Variants in WASL observed in about 807,000 individuals in gnomAD.
WASL encodes actin nucleation-promoting factor WASL.
WASL carries 20 observed loss-of-function variants against 55.5 expected under a neutral mutation model. The observed-to-expected ratio is 0.36, with a 90% CI of 0.25 to 0.52. The LOEUF (loss-of-function observed/expected upper bound fraction) is 0.52. WASL is among the 20% of genes least tolerant of loss of function. WASL has a pLI of 0.92. For synonymous variants in WASL, 249 were observed against 217.6 expected (o/e 1.14, Z -1.27); for missense variants, 504 against 622.5 (o/e 0.81, Z 2.03).
intron 1 of WASL, 44 bp downstream of exon 1, chr7:123,748,574 G>T (rs1680276313): frequency 6.3e-7 from 1 of 1,598,186 alleles, no homozygotes; most frequent in African/African-American, 1.4e-5. Context: ...GCCCGGGCCC[G>T]TGAGGTAATG....
At chr7:123,737,235 C>G (rs1262081535) in intron 1 of WASL, among the ~76,000 whole-genome samples, 1 of 152,150 alleles carries the variant, frequency 6.6e-6, no homozygotes, top group Non-Finnish European at 1.5e-5. Flanking sequence ...TCCTGGGCCA[C>G]ATGCAGCCCA....
At chr7:123,745,785 T>A (rs1804421039) in intron 1 of WASL, among the ~76,000 whole-genome samples, 1 of 152,014 alleles carries the variant, frequency 6.6e-6, no homozygotes, top group South Asian at 2.1e-4. Context: ...AAGCCCTCCT[T>A]GCTCCCTAAC....
rs755796843 is a variant in WASL at position 123,689,022 on chromosome 7, C to G, written c.1456+20G>C. ...ACTCTCTCTGTCTCTCTCTCTCTCTCTCTCTCTCTCTCTCTCTACCTGAAG... is the reference window on the plus strand; with the variant it reads ...ACTCTCTCTGTCTCTCTCTCTCTCTGTCTCTCTCTCTCTCTCTACCTGAAG... On this transcript the variant is annotated intron_variant, in intron 10 of 10. Coordinates refer to ENST00000223023, the MANE Select transcript of WASL (RefSeq NM_003941.4). The G allele has an allele frequency of 2.8e-5, 44 of 1,578,908 alleles. No homozygotes were observed. Among genetic ancestry groups the G allele is most frequent in the Non-Finnish European group, 3.6e-5 (41 of 1,153,854 alleles).
intron 1 of WASL, among the ~76,000 whole-genome samples, chr7:123,741,653 T>C (rs1804344077): frequency 6.6e-6 from 1 of 152,178 alleles, no homozygotes; most frequent in Non-Finnish European, 1.5e-5. Flanking sequence ...TCCATTAATA[T>C]TATTTATTTA....
At chr7:123,743,197 G>A (rs1200766390) in intron 1 of WASL, among the ~76,000 whole-genome samples, 2 of 151,922 alleles carry the variant, frequency 1.3e-5, no homozygotes, top group Admixed American at 6.6e-5. Flanking sequence ...ATTAGCCAGG[G>A]GTAGTGGCAC....
At chr7:123,738,007 A>G (rs1804267313) in intron 1 of WASL, among the ~76,000 whole-genome samples, 2 of 152,210 alleles carry the variant, frequency 1.3e-5, no homozygotes, top group South Asian at 4.1e-4. Flanking sequence ...ATCCAATAGA[A>G]AATTGGTCTA....
At chr7:123,740,259 GC>G (rs199834659) in intron 1 of WASL, among the ~76,000 whole-genome samples, 1,748 of 151,618 alleles carry the variant, frequency 0.012, 106 homozygotes, top group Admixed American at 0.099. Flanking sequence ...TTCTTGAGGG[GC>G]TTTTCTGTAT....
intron 1 of WASL, among the ~76,000 whole-genome samples, chr7:123,725,341 CTT>C (rs1804023698): frequency 6.6e-6 from 1 of 152,050 alleles, no homozygotes; most frequent in African/African-American, 2.4e-5. Flanking sequence ...ACGGAACAGA[CTT>C]TTAAACTCAA....
Position 123,694,794 on chromosome 7 carries a change from T to C in WASL, c.747A>G (p.Arg249=). The change falls in exon 8 of 11, where the codon AGA becomes AGG. Residue 249 remains arginine (R), a synonymous_variant. Coordinates refer to ENST00000223023, the MANE Select transcript of WASL (RefSeq NM_003941.4). ...CGISEAQLKD[R]ETSKVIYDFI... is the part of the protein sequence containing the mutation. ...AGTCATATATAACTTTTGATGTTTC[T>C]CTGTCTTTAAGTTGTGCCTCTGAGA... 2 of 1,613,396 alleles carry C rather than the reference T, an allele frequency of 1.2e-6. No individual in the cohort carries two copies. The highest frequency in any genetic ancestry group is 1.7e-6 in the Non-Finnish European group (2 of 1,179,662).
In WASL at chr7:123,748,955, C is replaced by A. The variant is rs929834241; in HGVS notation, c.-221G>T. 3 of 567,542 alleles carry A rather than the reference C, an allele frequency of 5.3e-6. No individual in the cohort carries two copies. The highest frequency in any genetic ancestry group is 3.9e-5 in the African/African-American group (2 of 51,024). 35.2% of individuals were successfully genotyped at this position (567,542 alleles called of 1,614,324 possible). A position where few individuals can be genotyped will look rare whatever the true frequency, so the allele number is the denominator to read the frequency against. The stretch of plus-strand genomic sequence containing the variant: ...GAAAGGGAAGCTCCCGGCACCCGCC[C>A]GGCCAGGCTAGGGCCGGATGGTCGT... On this transcript the variant is annotated 5_prime_UTR_variant, in exon 1 of 11. Coordinates refer to ENST00000223023, the MANE Select transcript of WASL (RefSeq NM_003941.4).
chr7:123,743,154 T>G (rs1041677082), intron 1 of WASL, among the ~76,000 whole-genome samples: 1 of 152,016 alleles, frequency 6.6e-6, no homozygotes, highest in Non-Finnish European at 1.5e-5. Context: ...CTGGCCAGCA[T>G]GGTGAAACCC....
Position 123,748,996 on chromosome 7 carries a change from G to C in WASL, c.-262C>G. The C allele has an allele frequency of 2.0e-6, 1 of 498,066 alleles. No individual in the cohort carries two copies. Among genetic ancestry groups the C allele is most frequent in the South Asian group, 3.1e-5 (1 of 32,256 alleles). The allele number at this position is 498,066 out of a possible 1,614,324, so 30.9% of individuals were successfully genotyped here. ...GGATGGTCGTTGTCCTCGCACTCCG[G>C]CGACTGCGCTAAACTCCCAACTCCT... On this transcript the variant is annotated 5_prime_UTR_variant, in exon 1 of 11. Transcript: ENST00000223023.
chr7:123,699,060 A>C (rs1296144974), intron 5 of WASL, among the ~76,000 whole-genome samples: 1 of 152,228 alleles, frequency 6.6e-6, no homozygotes, highest in Non-Finnish European at 1.5e-5. Context: ...AATAAAATGT[A>C]AGAATTAAGA....
intron 1 of WASL, among the ~76,000 whole-genome samples, chr7:123,733,408 T>C (rs942023490): frequency 3.9e-5 from 6 of 152,030 alleles, no homozygotes; most frequent in African/African-American, 1.2e-4. Flanking sequence ...GCACCACCTA[T>C]ATTAGTACCA....
At chr7:123,700,217 TTAAG>T (rs1211583443) in intron 5 of WASL, among the ~76,000 whole-genome samples, 4 of 135,444 alleles carry the variant, frequency 3.0e-5, no homozygotes, top group Admixed American at 2.2e-4. Context: ...ACAACATTAT[TTAAG>T]TAAGACTATA....
rs745410540 is a variant in WASL, at chr7:123,689,152, T to C, written c.1348-2A>G. On this transcript the variant is annotated splice_acceptor_variant, in intron 9 of 10. Coordinates refer to ENST00000223023, the MANE Select transcript of WASL (RefSeq NM_003941.4). LOFTEE classifies it high-confidence loss of function. ...TGTAGACTCTTGGCCATCAGCCACC[T>C]TGGAAAAGAAAGTTAGCAAAACTCA... The C allele has an allele frequency of 6.2e-7, 1 of 1,610,542 alleles. No homozygotes were observed. The highest frequency in any genetic ancestry group is 1.1e-5 in the South Asian group (1 of 90,806).
At chr7:123,698,072 T>G (rs1254044721) in intron 5 of WASL, among the ~76,000 whole-genome samples, 3 of 151,890 alleles carry the variant, frequency 2.0e-5, no homozygotes, top group Non-Finnish European at 4.4e-5. Context: ...TTTTTTTTTA[T>G]GAACTTCATC....
chr7:123,713,221 TCAC>T (rs1325432630), intron 1 of WASL, among the ~76,000 whole-genome samples: 8 of 152,176 alleles, frequency 5.3e-5, no homozygotes, highest in African/African-American at 1.9e-4. Context: ...GTGAGATCGC[TCAC>T]CACAGCATCA....
intron 2 of WASL, among the ~76,000 whole-genome samples, chr7:123,708,113 G>A (rs1486010192): frequency 6.6e-6 from 1 of 152,104 alleles, no homozygotes; most frequent in African/African-American, 2.4e-5. Flanking sequence ...TTGGGCCAAG[G>A]AGATCAAGGT....
Sources: allele counts gnomAD v4.1 joint callset (sites outside exome capture counted in the v4.1 genomes callset), GRCh38; gene constraint gnomAD v4.1.1; transcripts MANE v1.5; gene names NCBI Gene and HGNC (gene_info 2026-07-23, HGNC 2026-07-21).